Variants in IMPG1 observed in about 807,000 individuals in gnomAD.
IMPG1 encodes interphotoreceptor matrix proteoglycan of 150 kDa.
IMPG1 carries 85 observed loss-of-function variants against 92.0 expected under a neutral mutation model. The ratio of observed to expected loss-of-function variants is 0.92; its 90% CI spans 0.78 to 1.11. The LOEUF (loss-of-function observed/expected upper bound fraction) is 1.11, where lower values mean the gene tolerates loss of function less well. IMPG1 is among the 50% of genes least tolerant of loss of function. IMPG1 has a pLI of 0.00. For missense variants in IMPG1, 1,022 were observed against 956.0 expected, an observed-to-expected ratio of 1.07 and a Z score of -0.91; for synonymous variants, 367 against 334.1, an observed-to-expected ratio of 1.10 and a Z score of -1.08.
chr6:75,968,129 A>C (rs1043746470), intron 12 of IMPG1, among the ~76,000 whole-genome samples: 3 of 152,222 alleles, frequency 2.0e-5, no homozygotes, highest in Admixed American at 6.5e-5. Context: ...TACAAACCTA[A>C]TTACCAAAAC....
At chr6:75,931,344 A>G (rs1293471040) in intron 14 of IMPG1, among the ~76,000 whole-genome samples, 193 bp from the exon 15 acceptor site, 1 of 152,188 alleles carries the variant, frequency 6.6e-6, no homozygotes, top group African/African-American at 2.4e-5. Flanking sequence ...GACACAAGTG[A>G]TATTAGTTTA....
intron 15 of IMPG1, among the ~76,000 whole-genome samples, chr6:75,925,748 C>T (rs1254824525): frequency 6.6e-6 from 1 of 152,144 alleles, no homozygotes; most frequent in African/African-American, 2.4e-5. Context: ...TCACTGCAAC[C>T]TCCATCTCCC....
At chr6:76,062,522 G>A (rs1784224276) in intron 1 of IMPG1, among the ~76,000 whole-genome samples, 1 of 152,166 alleles carries the variant, frequency 6.6e-6, no homozygotes, top group Non-Finnish European at 1.5e-5. Context: ...GCTGGCATAG[G>A]TTGTGTTTGG....
intron 12 of IMPG1, among the ~76,000 whole-genome samples, chr6:75,969,481 C>A (rs1782365721): frequency 6.6e-6 from 1 of 151,948 alleles, no homozygotes; most frequent in South Asian, 2.1e-4. Flanking sequence ...GTGGCTCATG[C>A]CTGTAATCCT....
rs563140922 is a variant in IMPG1, at chr6:75,926,973, C to T, written c.2244-3267G>A. Among the ~76,000 whole-genome samples the T allele has an allele frequency of 2.0e-5, 3 of 152,310 alleles. No homozygotes were observed. In the East Asian group the frequency reaches 5.8e-4, roughly 29 times the overall value. Reference sequence around the variant, plus strand: ...AGGGCACCTGCCTTCAGTATCATTTCCCTATCTCATCACTTTCAGGTAGAA... The same window carrying T: ...AGGGCACCTGCCTTCAGTATCATTTTCCTATCTCATCACTTTCAGGTAGAA... On this transcript the variant is annotated intron_variant, in intron 15 of 16. Transcript: ENST00000369950.
chr6:75,930,027 T>C (rs922208999), intron 15 of IMPG1, among the ~76,000 whole-genome samples: 6 of 152,212 alleles, frequency 3.9e-5, no homozygotes, highest in Non-Finnish European at 8.8e-5. Context: ...CATGTGGATG[T>C]TCATCCTTTG....
chr6:75,966,787 T>C (rs1391499749), intron 12 of IMPG1, among the ~76,000 whole-genome samples: 2 of 152,212 alleles, frequency 1.3e-5, no homozygotes, highest in Admixed American at 1.3e-4. Context: ...AAAGCCTACA[T>C]TTATGTAATT....
intron 10 of IMPG1, among the ~76,000 whole-genome samples, 198 bp from the exon 11 acceptor site, chr6:76,004,148 T>C (rs567516887): frequency 1.3e-5 from 2 of 152,308 alleles, no homozygotes; most frequent in East Asian, 3.9e-4. Context: ...AAAGGGTGCA[T>C]CTTGCATGTT....
At chr6:75,963,258 T>A (rs574208515) in intron 12 of IMPG1, among the ~76,000 whole-genome samples, 1 of 152,244 alleles carries the variant, frequency 6.6e-6, no homozygotes, top group South Asian at 2.1e-4. Context: ...AAATGATGTA[T>A]GAAACGATGA....
chr6:76,043,144 T>C (rs1269446517), intron 1 of IMPG1, among the ~76,000 whole-genome samples: 1 of 151,980 alleles, frequency 6.6e-6, no homozygotes. Flanking sequence ...GTTAACAGTG[T>C]AGTCAGATCT....
rs113376244 is a variant in IMPG1 at position 75,930,997 on chromosome 6, G to T, written c.2199C>A (p.Gly733=). The T allele has an allele frequency of 5.6e-6, 9 of 1,614,216 alleles. No individual in the cohort carries two copies. The African/African-American group carries it at 6.7e-5, about 12-fold the overall frequency. The change falls in exon 15 of 17, where the codon GGC becomes GGA. Residue 733 remains glycine, a synonymous_variant. Coordinates refer to ENST00000369950, the MANE Select transcript of IMPG1 (RefSeq NM_001563.4). ...CCTGGAGGACCTCGCATTCCTTTGT[G>T]CCAGGGCCACAGAGGCCTGGTTCCA... ...DGLEPGLCGP[G]TKECEVLQGK...
At chr6:76,024,231 G>A (rs1397310732) in intron 5 of IMPG1, among the ~76,000 whole-genome samples, 1 of 152,018 alleles carries the variant, frequency 6.6e-6, no homozygotes, top group African/African-American at 2.4e-5. Flanking sequence ...AGGAAGAAAT[G>A]GGAAAGTAAT....
Position 76,003,879 on chromosome 6 carries a change from T to C in IMPG1, c.1207A>G (p.Thr403Ala), listed in dbSNP as rs1448968485. 2 of 1,611,786 alleles carry C rather than the reference T, an allele frequency of 1.2e-6. No homozygotes were observed. The highest frequency in any genetic ancestry group is 2.7e-5 in the African/African-American group (2 of 74,820). Reference sequence around the variant, plus strand: ...CAAAAGGACAACAAACTTACCTCTGTTATAACAGCAAAAGATGTGGGCAGC... The same window carrying C: ...CAAAAGGACAACAAACTTACCTCTGCTATAACAGCAAAAGATGTGGGCAGC... The part of the protein sequence containing the change: ...SELPTSFAVI[T>A]EDATLSPELP... The change falls in exon 11 of 17, where the codon ACA (threonine) becomes GCA (alanine). Residue 403 changes from threonine (T) to alanine (A), a missense_variant. Transcript: ENST00000369950.
At chr6:76,068,971 G>A (rs538768516) in intron 1 of IMPG1, among the ~76,000 whole-genome samples, 1 of 151,954 alleles carries the variant, frequency 6.6e-6, no homozygotes, top group East Asian at 1.9e-4. Context: ...AAAGCTAGAG[G>A]CATCACATTT....
chr6:76,021,863 T>G (rs1205431033), intron 6 of IMPG1, among the ~76,000 whole-genome samples: 1 of 144,476 alleles, frequency 6.9e-6, no homozygotes, highest in Non-Finnish European at 1.5e-5. Context: ...GCCCCAGCAC[T>G]CCACAGCTTA....
chr6:76,022,752 C>G (rs1783455223), intron 5 of IMPG1, among the ~76,000 whole-genome samples: 1 of 152,082 alleles, frequency 6.6e-6, no homozygotes, highest in Admixed American at 6.6e-5. Context: ...TTTTAAAGAT[C>G]TTCATAGAGT....
intron 14 of IMPG1, among the ~76,000 whole-genome samples, chr6:75,943,021 C>A (rs1302603648): frequency 1.3e-5 from 2 of 152,072 alleles, no homozygotes; most frequent in Non-Finnish European, 2.9e-5. Context: ...TTAATTAACT[C>A]TATTCAAAAG....
intron 2 of IMPG1, among the ~76,000 whole-genome samples, chr6:76,040,123 T>C (rs191163199): frequency 1.3e-5 from 2 of 152,260 alleles, no homozygotes; most frequent in Admixed American, 1.3e-4. Flanking sequence ...TAGTAAAATT[T>C]CATATTACCT....
intron 1 of IMPG1, among the ~76,000 whole-genome samples, chr6:76,061,567 C>T (rs1562388488): frequency 1.3e-5 from 2 of 152,146 alleles, no homozygotes; most frequent in Non-Finnish European, 2.9e-5. Flanking sequence ...CTCACAGCTA[C>T]TAAAATAATT....
Sources: allele counts gnomAD v4.1 joint callset (sites outside exome capture counted in the v4.1 genomes callset), GRCh38; gene constraint gnomAD v4.1.1; transcripts MANE v1.5; gene names NCBI Gene and HGNC (gene_info 2026-07-23, HGNC 2026-07-21).